Variants in GPHN observed in about 807,000 individuals in gnomAD.
GPHN encodes the protein gephyrin.
Under a neutral mutation model 95.5 loss-of-function variants are expected in GPHN, and 17 were observed. The ratio of observed to expected loss-of-function variants is 0.18; its 90% CI spans 0.12 to 0.27. The LOEUF (loss-of-function observed/expected upper bound fraction) is 0.27, where lower values mean the gene tolerates loss of function less well. GPHN is among the 10% of genes least tolerant of loss of function. GPHN has a pLI of 1.00. For missense variants in GPHN, 660 were observed against 978.1 expected, an observed-to-expected ratio of 0.67 and a Z score of 4.34; for synonymous variants, 320 against 322.5, an observed-to-expected ratio of 0.99 and a Z score of 0.08.
At chr14:67,586,894 C>T in the GPHN span, 2 of 1,529,382 alleles carry the variant, frequency 1.3e-6, no homozygotes, top group Admixed American at 4.0e-5. Context: ...CAGGAGCCCA[C>T]ACCACTGGGC....
intron 3 of GPHN, among the ~76,000 whole-genome samples, chr14:66,793,909 G>T (rs934840217): frequency 2.6e-5 from 4 of 151,932 alleles, no homozygotes; most frequent in African/African-American, 9.7e-5. Flanking sequence ...GAGAAAAATG[G>T]CAAATGTAAA....
intron 10 of GPHN, among the ~76,000 whole-genome samples, chr14:67,027,580 C>T (rs1207739247): frequency 6.6e-6 from 1 of 152,180 alleles, no homozygotes; most frequent in African/African-American, 2.4e-5. Context: ...TCAGCTGCCT[C>T]AGCCTCCCAA....
At chr14:66,804,902 A>AAG (rs1254166231) in intron 3 of GPHN, among the ~76,000 whole-genome samples, 1 of 152,224 alleles carries the variant, frequency 6.6e-6, no homozygotes, top group African/African-American at 2.4e-5. Context: ...GATTATTGCT[A>AAG]GGATTAAATA....
intron 9 of GPHN, among the ~76,000 whole-genome samples, chr14:67,006,179 G>A (rs1040030956): frequency 4.6e-5 from 7 of 152,048 alleles, no homozygotes; most frequent in Admixed American, 4.6e-4. Flanking sequence ...AATTCAGAAA[G>A]ACCTTAAACA....
chr14:67,323,782 A>C, the GPHN span: 1 of 1,592,160 alleles, frequency 6.3e-7, no homozygotes, highest in Non-Finnish European at 8.6e-7. Context: ...GACTTCGGGC[A>C]TTATTGGCCA....
intron 3 of GPHN, among the ~76,000 whole-genome samples, chr14:66,820,092 T>TTAAACCTGC (rs1388397269): frequency 6.6e-6 from 1 of 152,168 alleles, no homozygotes; most frequent in Non-Finnish European, 1.5e-5. Context: ...TAACTATATG[T>TTAAACCTGC]TAAACCTTAG....
chr14:67,380,360 C>T, the GPHN span, among the ~76,000 whole-genome samples: 7 of 151,912 alleles, frequency 4.6e-5, no homozygotes, highest in African/African-American at 1.7e-4. Flanking sequence ...TTATAAACTC[C>T]TTGAGGCAGG....
At chr14:66,734,741 C>T (rs2072104860) in intron 2 of GPHN, among the ~76,000 whole-genome samples, 1 of 152,114 alleles carries the variant, frequency 6.6e-6, no homozygotes. Flanking sequence ...ATGTAGTCTC[C>T]ATATAAATTA....
chr14:67,552,690 C>T, the GPHN span, among the ~76,000 whole-genome samples: 47 of 151,946 alleles, frequency 3.1e-4, no homozygotes, highest in African/African-American at 1.1e-3. Flanking sequence ...TGGCGGGAAC[C>T]CGGGAGGCGG....
chr14:67,504,877 A>G, the GPHN span, among the ~76,000 whole-genome samples: 1 of 152,164 alleles, frequency 6.6e-6, no homozygotes, highest in Non-Finnish European at 1.5e-5. Context: ...CAAGAGCGAC[A>G]CTCCGTCTCA....
intron 4 of GPHN, among the ~76,000 whole-genome samples, chr14:66,847,776 C>T (rs1315628530): frequency 6.6e-6 from 1 of 151,958 alleles, no homozygotes; most frequent in Non-Finnish European, 1.5e-5. Flanking sequence ...TGTGAAGTTT[C>T]ACTTTTTTTA....
chr14:66,649,377 A>G (rs1443597186), intron 1 of GPHN, among the ~76,000 whole-genome samples: 2 of 151,244 alleles, frequency 1.3e-5, no homozygotes, highest in East Asian at 3.9e-4. Flanking sequence ...CGACCCCCGG[A>G]CCATGGACCA....
chr14:66,914,439 T>C (rs917707745), intron 5 of GPHN, among the ~76,000 whole-genome samples: 1 of 152,126 alleles, frequency 6.6e-6, no homozygotes, highest in Admixed American at 6.6e-5. Context: ...ATGAACTTAC[T>C]GGATAAAATT....
chr14:67,662,902 C>CAAAA, the GPHN span: 608 of 898,936 alleles, frequency 6.8e-4, no homozygotes, highest in South Asian at 3.5e-3. Context: ...GACTCTGTCT[C>CAAAA]AAAAAAAAAA....
At chr14:66,581,059 A>G (rs1186449161) in intron 1 of GPHN, among the ~76,000 whole-genome samples, 1 of 151,858 alleles carries the variant, frequency 6.6e-6, no homozygotes, top group Non-Finnish European at 1.5e-5. Flanking sequence ...TACAAAAACC[A>G]TGTGATTATC....
chr14:67,405,131 G>C, the GPHN span, among the ~76,000 whole-genome samples: 1 of 150,968 alleles, frequency 6.6e-6, no homozygotes, highest in Non-Finnish European at 1.5e-5. Flanking sequence ...TACTCAGGAG[G>C]CTGAGGCAGG....
the GPHN span, among the ~76,000 whole-genome samples, chr14:67,654,323 TCTAGAGATGAGGTCTCGC>T: frequency 6.1e-3 from 4 of 658 alleles, no homozygotes; most frequent in Admixed American, 0.059. Flanking sequence ...GAGGTCTCGC[TCTAGAGATGAGGTCTCGC>T]TATGTTGCCC....
chr14:66,648,860 T>A (rs190670474), intron 1 of GPHN, among the ~76,000 whole-genome samples: 298 of 152,294 alleles, frequency 2.0e-3, no homozygotes, highest in Non-Finnish European at 3.6e-3. Context: ...AAAAATGCTT[T>A]AGTTGTTGCC....
chr14:67,373,901 A>T, the GPHN span, among the ~76,000 whole-genome samples: 1 of 151,684 alleles, frequency 6.6e-6, no homozygotes. Context: ...CTCTTTCCTT[A>T]AACTAAATGA....
Sources: gnomAD v4.1 joint callset for allele counts (sites outside exome capture counted in the v4.1 genomes callset) on GRCh38, gnomAD v4.1.1 for gene constraint, MANE v1.5 for transcripts, NCBI Gene and HGNC (gene_info 2026-07-23, HGNC 2026-07-21) for gene names.